PLA2G4E: variants seen among roughly 807,000 people sequenced by gnomAD.
PLA2G4E encodes phospholipase A2 group IVE, also known as cytosolic phospholipase A2 epsilon.
In PLA2G4E, 84 loss-of-function variants were observed where a neutral mutation model predicts 109.1. That is an observed-to-expected ratio of 0.77 (90% CI 0.65 to 0.92). The LOEUF (loss-of-function observed/expected upper bound fraction) is 0.92. Among genes scored for constraint, PLA2G4E ranks in the 40% least tolerant of loss-of-function variants. PLA2G4E has a pLI of 0.00. For synonymous variants in PLA2G4E, 469 were observed against 436.1 expected (o/e 1.08, Z -0.94); for missense variants, 1,057 against 1,076.6 (o/e 0.98, Z 0.25).
chr15:41,996,980 G>T (rs1008254175), intron 11 of PLA2G4E, 144 bp downstream of exon 11: 1 of 1,070,704 alleles, frequency 9.3e-7, no homozygotes, highest in Non-Finnish European at 1.3e-6. Flanking sequence ...TTCCAGCACA[G>T]CTCTCACCAG....
chr15:41,989,633 C>G, intron 14 of PLA2G4E, 81 bp from the exon 15 acceptor site: 1 of 1,524,208 alleles, frequency 6.6e-7, no homozygotes, highest in Non-Finnish European at 8.9e-7. Context: ...CTGCCTGCAG[C>G]CACTGGCTCA....
At chr15:42,032,424 C>T (rs182148791) in intron 1 of PLA2G4E, among the ~76,000 whole-genome samples, 33 of 152,314 alleles carry the variant, frequency 2.2e-4, no homozygotes, top group Non-Finnish European at 2.5e-4. Context: ...CAGTGTCAGG[C>T]CTGGGAGGGG....
At chr15:42,050,626 T>A (rs1668546) in exon 1 of PLA2G4E, 2 of 1,550,388 alleles carry the variant, frequency 1.3e-6, no homozygotes, top group East Asian at 2.4e-5. Flanking sequence ...TGCTGCCTTC[T>A]TCATCCGTTT....
chr15:42,012,570 G>A (rs957108125), intron 2 of PLA2G4E, among the ~76,000 whole-genome samples: 4 of 152,058 alleles, frequency 2.6e-5, no homozygotes, highest in African/African-American at 7.2e-5. Context: ...CCCCAAGATC[G>A]GGCTCCCAAG....
chr15:41,995,441 A>G (rs1310911256), exon 12 of PLA2G4E: 1 of 1,613,956 alleles, frequency 6.2e-7, no homozygotes, highest in South Asian at 1.1e-5. Context: ...GTGGCCATAC[A>G]TGGAGGTCAT....
At chr15:41,984,681 G>A in intron 18 of PLA2G4E, 62 bp from the exon 19 acceptor site, 1 of 1,416,230 alleles carries the variant, frequency 7.1e-7, no homozygotes, top group Non-Finnish European at 9.5e-7. Context: ...GAGAAGCACA[G>A]AGTTCTTAGC....
intron 2 of PLA2G4E, 66 bp downstream of exon 2, chr15:42,013,619 C>T (rs1193194932): frequency 1.4e-6 from 2 of 1,468,452 alleles, no homozygotes; most frequent in Non-Finnish European, 1.9e-6. Context: ...GACCATTTCT[C>T]CAGCCAGGGC....
chr15:41,996,271 C>A (rs1188686215), intron 11 of PLA2G4E, among the ~76,000 whole-genome samples: 1 of 145,300 alleles, frequency 6.9e-6, no homozygotes. Context: ...TTGCTTGAGC[C>A]TGGGAGGTGG....
At chr15:41,987,927 G>A (rs1253815097) in intron 16 of PLA2G4E, 122 bp downstream of exon 16, 9 of 560,052 alleles carry the variant, frequency 1.6e-5, no homozygotes, top group East Asian at 5.8e-5. Flanking sequence ...AGGGAAAGCC[G>A]GGGGCCGCCC....
At chr15:42,014,841 A>G (rs1438367616) in intron 1 of PLA2G4E, among the ~76,000 whole-genome samples, 2 of 152,136 alleles carry the variant, frequency 1.3e-5, no homozygotes, top group African/African-American at 4.8e-5. Flanking sequence ...CAAAAGCTCA[A>G]GTAGTCCTTG....
At chr15:42,045,360 G>T (rs1306506259) in intron 1 of PLA2G4E, among the ~76,000 whole-genome samples, 1 of 152,196 alleles carries the variant, frequency 6.6e-6, no homozygotes, top group Non-Finnish European at 1.5e-5. Flanking sequence ...GATGGGGTGG[G>T]GTGGGGCCCC....
chr15:42,003,287 C>T (rs1163745748), intron 5 of PLA2G4E, among the ~76,000 whole-genome samples: 1 of 152,194 alleles, frequency 6.6e-6, no homozygotes, highest in Non-Finnish European at 1.5e-5. Flanking sequence ...GAGAAGGAGT[C>T]TCGCTCTGTC....
chr15:42,021,876 A>G (rs751949871), intron 1 of PLA2G4E, among the ~76,000 whole-genome samples: 3 of 152,150 alleles, frequency 2.0e-5, no homozygotes, highest in Non-Finnish European at 1.5e-5. Flanking sequence ...GAAATTGAGG[A>G]TGAGATCTGA....
chr15:42,005,032 G>C, intron 4 of PLA2G4E, 54 bp from the exon 5 acceptor site: 7 of 1,599,592 alleles, frequency 4.4e-6, no homozygotes, highest in Non-Finnish European at 6.0e-6. Flanking sequence ...CATCTCTGCT[G>C]ACCAGAACCC....
intron 5 of PLA2G4E, among the ~76,000 whole-genome samples, chr15:42,003,585 T>G (rs546510867): frequency 6.6e-6 from 1 of 152,374 alleles, no homozygotes; most frequent in East Asian, 1.9e-4. Context: ...AGCTTCGATT[T>G]TCTTCAATGT....
At chr15:42,013,040 T>A (rs2068552930) in intron 2 of PLA2G4E, among the ~76,000 whole-genome samples, 2 of 152,044 alleles carry the variant, frequency 1.3e-5, no homozygotes, top group Admixed American at 1.3e-4. Context: ...ATGCCTCCAT[T>A]GGCCCCCGTG....
At chr15:41,986,620 T>C (rs2068145988) in intron 17 of PLA2G4E, among the ~76,000 whole-genome samples, 1 of 151,868 alleles carries the variant, frequency 6.6e-6, no homozygotes, top group South Asian at 2.1e-4. Context: ...TGGGCTCAAA[T>C]GATCCTTCTA....
chr15:41,984,508 G>A lies in PLA2G4E; in HGVS notation c.2314C>T (p.Gln772Ter). Residue 772 changes from glutamine (Q) to a stop codon, truncating the protein, a stop_gained, in exon 19 of 20, where the codon CAG (glutamine) becomes TAG (stop). Transcript: ENST00000399518. LOFTEE classifies it high-confidence loss of function. ...GTCACGATGGGGGCATCGGGTTCCT[G>A]GGGGTTCTCCATCAGGTAGCATTCC... The A allele has an allele frequency of 6.2e-7, 1 of 1,613,954 alleles. No individual in the cohort carries two copies. The highest frequency in any genetic ancestry group is 8.5e-7 in the Non-Finnish European group (1 of 1,179,842).
intron 1 of PLA2G4E, among the ~76,000 whole-genome samples, chr15:42,029,694 A>T (rs11629515): frequency 0.1 from 15,310 of 152,268 alleles, 1,025 homozygotes; most frequent in Middle Eastern, 0.15. Context: ...GACTTGGGTA[A>T]GTTTATCCCT....
Sources: allele counts gnomAD v4.1 joint callset (sites outside exome capture counted in the v4.1 genomes callset), GRCh38; gene constraint gnomAD v4.1.1; transcripts MANE v1.5; gene names NCBI Gene and HGNC (gene_info 2026-07-23, HGNC 2026-07-21).